Variants in CABIN1 observed in about 807,000 individuals in gnomAD.
CABIN1 encodes calcineurin-binding protein cabin-1.
In CABIN1, 133 loss-of-function variants were observed where a neutral mutation model predicts 227.7. The ratio of observed to expected loss-of-function variants is 0.58; its 90% CI spans 0.51 to 0.67. The LOEUF is 0.67. CABIN1 is among the 30% of genes least tolerant of loss of function. The probability of loss-of-function intolerance (pLI) is 0.00; values close to 1 mark genes in which losing one functional copy is unlikely to be tolerated. For synonymous variants in CABIN1, 1,086 were observed against 1,155.1 expected, an observed-to-expected ratio of 0.94 and a Z score of 1.21; for missense variants, 2,408 against 2,852.5, an observed-to-expected ratio of 0.84 and a Z score of 3.55.
intron 1 of CABIN1, among the ~76,000 whole-genome samples, chr22:24,013,299 C>T (rs1601607759): frequency 1.3e-5 from 2 of 149,848 alleles, no homozygotes; most frequent in Admixed American, 1.3e-4. Flanking sequence ...TGGGTTCACG[C>T]CATTCTCCTG....
At chr22:24,064,279 C>A in intron 15 of CABIN1, 92 bp downstream of exon 15, 1 of 1,338,750 alleles carries the variant, frequency 7.5e-7, no homozygotes, top group South Asian at 1.2e-5. Flanking sequence ...AATCTCGGCT[C>A]ACTGCAACCT....
chr22:24,021,945 A>G (rs1195830239), intron 1 of CABIN1, among the ~76,000 whole-genome samples: 1 of 152,158 alleles, frequency 6.6e-6, no homozygotes, highest in Non-Finnish European at 1.5e-5. Flanking sequence ...TTGGCCTCCC[A>G]AAGTGCTGGG....
chr22:24,056,393 A>G, intron 10 of CABIN1, 33 bp downstream of exon 10: 1 of 1,609,740 alleles, frequency 6.2e-7, no homozygotes, highest in Non-Finnish European at 8.5e-7. Flanking sequence ...GTCAGAAACA[A>G]ACCCACAAAG....
intron 8 of CABIN1, among the ~76,000 whole-genome samples, chr22:24,053,264 G>A (rs192899150): frequency 9.0e-4 from 137 of 151,850 alleles, no homozygotes; most frequent in African/African-American, 3.2e-3. Context: ...TTTTAGTAGA[G>A]ATGGGGTTTC....
chr22:24,116,841 G>A (rs1181162845), intron 27 of CABIN1, among the ~76,000 whole-genome samples: 2 of 152,206 alleles, frequency 1.3e-5, no homozygotes, highest in Non-Finnish European at 2.9e-5. Context: ...TGGATCAGAT[G>A]GCTCCTGTGC....
intron 21 of CABIN1, 43 bp downstream of exon 21, chr22:24,084,828 A>C: frequency 6.3e-7 from 1 of 1,595,618 alleles, no homozygotes; most frequent in Non-Finnish European, 8.6e-7. Context: ...GGGCTGGGTC[A>C]CACTCTTCCG....
chr22:24,025,622 A>G (rs2036027554), intron 1 of CABIN1, among the ~76,000 whole-genome samples: 1 of 152,220 alleles, frequency 6.6e-6, no homozygotes, highest in Non-Finnish European at 1.5e-5. Flanking sequence ...CTGCTCATCA[A>G]ACGCTCTGCT....
chr22:24,170,427 G>T (rs572535230), intron 33 of CABIN1, among the ~76,000 whole-genome samples: 7 of 152,322 alleles, frequency 4.6e-5, no homozygotes, highest in East Asian at 1.9e-4. Flanking sequence ...GCTGAGGCCC[G>T]CTCCTGAGCG....
In CABIN1 at chr22:24,166,659, C is replaced by G; in HGVS notation, c.5028C>G (p.Pro1676=). Residue 1676 remains proline, a synonymous_variant, in exon 32 of 37, where the codon CCC becomes CCG. Coordinates refer to ENST00000263119, the MANE Select transcript of CABIN1 (RefSeq NM_012295.4). The part of the protein sequence containing the change: ...ELAEGSERPG[P]KVCGLPGARM... ...TGTAGGGGTCAGAACGCCCAGGGCC[C>G]AAGGTCTGTGGCCTCCCCGGAGCCA... 6.2e-7 allele frequency: 1 copy of G among 1,612,840 alleles called. No homozygotes were observed. Among genetic ancestry groups the G allele is most frequent in the Non-Finnish European group, 8.5e-7 (1 of 1,179,984 alleles).
Position 24,032,803 on chromosome 22 carries a change from CTG to C in CABIN1, c.-74-2639_-74-2638del, listed in dbSNP as rs549096401. Among the ~76,000 whole-genome samples, 60 of 152,274 alleles carry C rather than the reference CTG, an allele frequency of 3.9e-4. No individual in the cohort carries two copies. The East Asian group carries it at 0.01, about 26-fold the overall frequency. On this transcript the variant is annotated intron_variant, in intron 1 of 36. Transcript: ENST00000263119. ...GTTTCTGGCCAGGCATGGTGGCTCA[CTG>C]TAATTCCATGCCTGTAATCCCAGCA...
intron 10 of CABIN1, among the ~76,000 whole-genome samples, chr22:24,056,867 A>G (rs899771952): frequency 1.3e-5 from 2 of 151,864 alleles, no homozygotes; most frequent in South Asian, 2.1e-4. Context: ...GGGGACAAGC[A>G]GGAACCAGGC....
intron 20 of CABIN1, 132 bp downstream of exon 20, chr22:24,083,521 T>TCTGATGAG: frequency 1.0e-6 from 1 of 955,552 alleles, no homozygotes; most frequent in Middle Eastern, 2.8e-4. Flanking sequence ...GAGAAGACGG[T>TCTGATGAG]CTGATGAGTG....
At chr22:24,049,048 G>C in intron 6 of CABIN1, 43 bp from the exon 7 acceptor site, 2 of 1,611,314 alleles carry the variant, frequency 1.2e-6, no homozygotes, top group Non-Finnish European at 1.7e-6. Context: ...CAGAGCTTCT[G>C]AGTGCGGTCT....
Position 24,088,072 on chromosome 22 carries a change from A to G in CABIN1, c.3525+359A>G, listed in dbSNP as rs116428178. On this transcript the variant is annotated intron_variant, in intron 23 of 36. Coordinates refer to ENST00000263119, the MANE Select transcript of CABIN1 (RefSeq NM_012295.4). ...TTGTTGGATCCTTGTAAAATTCTTG[A>G]GCTTAGGTTGGGATTTTTGAAGTCT... Among the ~76,000 whole-genome samples the G allele has an allele frequency of 9.6e-3, 1,464 of 152,138 alleles. 30 individuals carry two copies. The highest frequency in any genetic ancestry group is 0.033 in the African/African-American group (1,375 of 41,498).
Position 24,071,062 on chromosome 22 carries a change from C to A in CABIN1, c.2475+20C>A. The A allele has an allele frequency of 6.2e-7, 1 of 1,614,200 alleles. No individual in the cohort carries two copies. The highest frequency in any genetic ancestry group is 8.5e-7 in the Non-Finnish European group (1 of 1,180,016). ...ATCCAGGTAACCCCTGGCTCCTTCTCACCCTGCCCTGCCCCAGCAGGTATG... is the reference window on the plus strand; with the variant it reads ...ATCCAGGTAACCCCTGGCTCCTTCTAACCCTGCCCTGCCCCAGCAGGTATG... On this transcript the variant is annotated intron_variant, in intron 17 of 36. Transcript: ENST00000263119.
At chr22:24,129,525 T>C (rs949446940) in intron 28 of CABIN1, among the ~76,000 whole-genome samples, 1 of 152,224 alleles carries the variant, frequency 6.6e-6, no homozygotes, top group African/African-American at 2.4e-5. Flanking sequence ...CTTCCCATTT[T>C]ATGAAAGGTC....
chr22:24,019,496 C>T (rs1437615983), intron 1 of CABIN1, among the ~76,000 whole-genome samples: 1 of 151,380 alleles, frequency 6.6e-6, no homozygotes, highest in Non-Finnish European at 1.5e-5. Flanking sequence ...CTCAAGCAAT[C>T]CACCCACCTC....
intron 28 of CABIN1, among the ~76,000 whole-genome samples, chr22:24,130,170 A>G (rs1569258423): frequency 6.6e-6 from 1 of 152,194 alleles, no homozygotes; most frequent in Non-Finnish European, 1.5e-5. Context: ...TTATCTGGCA[A>G]GTGGCTCCAT....
At chr22:24,084,207 C>T (rs1037326018) in intron 20 of CABIN1, among the ~76,000 whole-genome samples, 1 of 151,960 alleles carries the variant, frequency 6.6e-6, no homozygotes, top group African/African-American at 2.4e-5. Context: ...GCTTTTCAGA[C>T]ACTTGGATTT....
Sources: allele counts gnomAD v4.1 joint callset (sites outside exome capture counted in the v4.1 genomes callset), GRCh38; gene constraint gnomAD v4.1.1; transcripts MANE v1.5; gene names NCBI Gene and HGNC (gene_info 2026-07-23, HGNC 2026-07-21).